DOCK2: variants seen among roughly 807,000 people sequenced by gnomAD.
The protein encoded by DOCK2 is dedicator of cytokinesis 2, also known as dedicator of cytokinesis protein 2.
DOCK2 carries 87 observed loss-of-function variants against 248.9 expected under a neutral mutation model. The ratio of observed to expected loss-of-function variants is 0.35; its 90% CI spans 0.29 to 0.42. The LOEUF (loss-of-function observed/expected upper bound fraction) is 0.42, where lower values mean the gene tolerates loss of function less well. Among genes scored for constraint, DOCK2 ranks in the 10% least tolerant of loss-of-function variants. The pLI is 1.00. For missense variants in DOCK2, 1,747 were observed against 2,300.2 expected (o/e 0.76, Z 4.92); for synonymous variants, 805 against 821.6 (o/e 0.98, Z 0.35).
At chr5:170,057,730 CA>C in intron 44 of DOCK2, 64 bp downstream of exon 44, 2 of 1,407,936 alleles carry the variant, frequency 1.4e-6, no homozygotes, top group Non-Finnish European at 1.9e-6. Flanking sequence ...AGCCAGTCTC[CA>C]AAGGCCCCTT....
chr5:169,711,684 T>G (rs950540175), intron 15 of DOCK2, among the ~76,000 whole-genome samples: 2 of 152,260 alleles, frequency 1.3e-5, no homozygotes, highest in African/African-American at 4.8e-5. Flanking sequence ...TTCCTCACTA[T>G]AATTTACAGA....
chr5:169,965,279 C>T (rs541492024), intron 27 of DOCK2, among the ~76,000 whole-genome samples: 1 of 152,220 alleles, frequency 6.6e-6, no homozygotes, highest in Admixed American at 6.5e-5. Context: ...TCTTCAGCTG[C>T]GGGCTGGGGC....
At chr5:169,835,260 G>T (rs13188673) in intron 26 of DOCK2, among the ~76,000 whole-genome samples, 24,808 of 134,518 alleles carry the variant, frequency 0.18, 2,466 homozygotes, top group Admixed American at 0.24. Context: ...GAAATGCCTG[G>T]TTTTTTTTTT....
At chr5:169,725,670 C>T (rs893380875) in intron 22 of DOCK2, among the ~76,000 whole-genome samples, 5 of 146,678 alleles carry the variant, frequency 3.4e-5, no homozygotes, top group East Asian at 2.0e-4. Flanking sequence ...CCCCAACCCC[C>T]GACAGGCCCC....
intron 13 of DOCK2, among the ~76,000 whole-genome samples, chr5:169,701,049 A>C (rs923886326): frequency 2.6e-5 from 4 of 152,228 alleles, no homozygotes; most frequent in African/African-American, 9.6e-5. Context: ...TGATGTTAAC[A>C]ATCAGTCACT....
At chr5:169,900,415 C>T (rs1292224951) in intron 27 of DOCK2, among the ~76,000 whole-genome samples, 1 of 152,188 alleles carries the variant, frequency 6.6e-6, no homozygotes, top group Non-Finnish European at 1.5e-5. Flanking sequence ...TCCACATAAA[C>T]TTAATTATCG....
At chr5:169,652,905 T>C (rs896351586) in intron 1 of DOCK2, among the ~76,000 whole-genome samples, 1 of 152,200 alleles carries the variant, frequency 6.6e-6, no homozygotes, top group African/African-American at 2.4e-5. Context: ...ATTGGCTATT[T>C]AGACCCTGGT....
intron 22 of DOCK2, among the ~76,000 whole-genome samples, chr5:169,740,290 C>A (rs1763245161): frequency 6.7e-6 from 1 of 149,552 alleles, no homozygotes; most frequent in African/African-American, 2.5e-5. Context: ...TTGTTAACTT[C>A]TTTTTTTTTT....
chr5:169,677,975 C>T (rs147972688), intron 6 of DOCK2, among the ~76,000 whole-genome samples: 44 of 152,304 alleles, frequency 2.9e-4, no homozygotes, highest in African/African-American at 1.0e-3. Flanking sequence ...CCACCTGGAG[C>T]ACAGACTGGT....
At chr5:169,859,435 G>T (rs1428643166) in intron 27 of DOCK2, among the ~76,000 whole-genome samples, 2 of 152,220 alleles carry the variant, frequency 1.3e-5, no homozygotes, top group Non-Finnish European at 2.9e-5. Flanking sequence ...GTTGGATTAG[G>T]ATTTGTCCCC....
chr5:169,749,923 C>T (rs1271083481), intron 23 of DOCK2, among the ~76,000 whole-genome samples: 2 of 152,232 alleles, frequency 1.3e-5, no homozygotes, highest in African/African-American at 4.8e-5. Context: ...GAGCCCCAGC[C>T]AGCCACTGCA....
intron 25 of DOCK2, among the ~76,000 whole-genome samples, chr5:169,788,385 A>C (rs143614389): frequency 1.7e-4 from 26 of 152,338 alleles, no homozygotes; most frequent in Non-Finnish European, 3.5e-4. Context: ...AACACAGTCA[A>C]GTGACTTGAA....
At position 169,991,295 on chromosome 5, in the gene DOCK2, G is replaced by A. The variant is rs534876875; in HGVS notation, c.2994-4791G>A. On this transcript the variant is annotated intron_variant, in intron 29 of 51. Transcript: ENST00000520908. ...AAGAGAAGTAGGAAACTGGGGACTTGAGCCAGCAGGCTCTGTGAGGCCTCA... is the reference window on the plus strand; with the variant it reads ...AAGAGAAGTAGGAAACTGGGGACTTAAGCCAGCAGGCTCTGTGAGGCCTCA... Among the ~76,000 whole-genome samples, 9 of 152,340 alleles carry A rather than the reference G, an allele frequency of 5.9e-5. No homozygotes were observed. In the East Asian group the frequency reaches 1.7e-3, roughly 29 times the overall value.
chr5:169,678,794 G>A (rs539522680), intron 6 of DOCK2, among the ~76,000 whole-genome samples: 14 of 151,906 alleles, frequency 9.2e-5, no homozygotes, highest in East Asian at 3.9e-4. Flanking sequence ...ACTTTCAGTC[G>A]GAAGTCATAT....
At chr5:169,885,128 C>A (rs1023079725) in intron 27 of DOCK2, among the ~76,000 whole-genome samples, 1 of 152,202 alleles carries the variant, frequency 6.6e-6, no homozygotes, top group Middle Eastern at 3.2e-3. Context: ...TACTCACACA[C>A]CCAGTGCCAA....
chr5:169,955,641 GAGA>G (rs1318712737), intron 27 of DOCK2, among the ~76,000 whole-genome samples: 1 of 152,186 alleles, frequency 6.6e-6, no homozygotes, highest in African/African-American at 2.4e-5. Context: ...TATCATGCAG[GAGA>G]AGAAGGCAGG....
At position 169,654,429 on chromosome 5, in the gene DOCK2, G is replaced by C. The variant is rs776586113; in HGVS notation, c.70G>C (p.Ala24Pro). Residue 24 changes from alanine to proline, a missense_variant, in exon 2 of 52, where the codon GCC (alanine) becomes CCC (proline). By Grantham distance (27) the Ala-to-Pro change is conservative (BLOSUM62 -1). Coordinates refer to ENST00000520908, the MANE Select transcript of DOCK2 (RefSeq NM_004946.3). Reference protein sequence around the residue: ...VAIYNFQGSGAPQLSLQIGDV... With the variant: ...VAIYNFQGSGPPQLSLQIGDV... ...CATATACAACTTCCAAGGCAGCGGA[G>C]CCCCCCAGCTCTCCCTGCAGATCGG... 3.8e-5 allele frequency: 62 copies of C among 1,614,024 alleles called. No individual in the cohort carries two copies. Among genetic ancestry groups the C allele is most frequent in the Non-Finnish European group, 4.7e-5 (56 of 1,180,028 alleles).
chr5:169,984,147 T>G (rs530152264), intron 28 of DOCK2, among the ~76,000 whole-genome samples: 1 of 152,280 alleles, frequency 6.6e-6, no homozygotes, highest in South Asian at 2.1e-4. Context: ...ATTTCACAAC[T>G]CTACAATCTG....
chr5:169,952,730 C>G (rs1776709969), intron 27 of DOCK2, among the ~76,000 whole-genome samples: 1 of 152,168 alleles, frequency 6.6e-6, no homozygotes, highest in Non-Finnish European at 1.5e-5. Flanking sequence ...GGAGACATCT[C>G]AGGTAGGGGT....
Sources: gnomAD v4.1 joint callset for allele counts (sites outside exome capture counted in the v4.1 genomes callset) on GRCh38, gnomAD v4.1.1 for gene constraint, MANE v1.5 for transcripts, NCBI Gene and HGNC (gene_info 2026-07-23, HGNC 2026-07-21) for gene names.